Variants in TENM3 observed in about 807,000 individuals in gnomAD.
The protein encoded by TENM3 is teneurin-3.
TENM3 carries 63 observed loss-of-function variants against 255.1 expected under a neutral mutation model. That is an observed-to-expected ratio of 0.25 (90% CI 0.20 to 0.30). TENM3 has a LOEUF of 0.30. Ranked by LOEUF, TENM3 falls within the 10% of genes least tolerant of loss-of-function variation. The pLI, the probability that TENM3 is intolerant of heterozygous loss-of-function variation, is 1.00. For synonymous variants in TENM3, 1,306 were observed against 1,322.3 expected (o/e 0.99, Z 0.27); for missense variants, 2,929 against 3,461.1 (o/e 0.85, Z 3.86).
At chr4:181,584,113 C>A in the TENM3 span, among the ~76,000 whole-genome samples, 1 of 152,170 alleles carries the variant, frequency 6.6e-6, no homozygotes, top group South Asian at 2.1e-4. Flanking sequence ...TATTCATAGT[C>A]ACTCAATGAG....
At chr4:182,736,432 A>G (rs908714863) in intron 16 of TENM3, among the ~76,000 whole-genome samples, 1 of 152,236 alleles carries the variant, frequency 6.6e-6, no homozygotes, top group African/African-American at 2.4e-5. Flanking sequence ...TGACTACTGC[A>G]CTAACAAGTC....
At chr4:182,182,220 C>T (rs1018744487) in intron 1 of TENM3, among the ~76,000 whole-genome samples, 3 of 152,024 alleles carry the variant, frequency 2.0e-5, no homozygotes, top group Admixed American at 6.6e-5. Context: ...AAGGGCAGCC[C>T]GTTTTTTCAA....
intron 4 of TENM3, among the ~76,000 whole-genome samples, chr4:182,604,803 A>G (rs1020418088): frequency 2.2e-4 from 33 of 152,196 alleles, no homozygotes; most frequent in South Asian, 2.1e-4. Flanking sequence ...TTATGTTCCC[A>G]TAGCTTTTTA....
At chr4:182,676,154 C>T (rs758451967) in intron 7 of TENM3, among the ~76,000 whole-genome samples, 1 of 152,210 alleles carries the variant, frequency 6.6e-6, no homozygotes, top group African/African-American at 2.4e-5. Context: ...GCCAGCCATT[C>T]AGAATAGTTG....
chr4:182,044,843 C>G, the TENM3 span, among the ~76,000 whole-genome samples: 5 of 152,172 alleles, frequency 3.3e-5, no homozygotes, highest in African/African-American at 9.7e-5. Context: ...CCACATGATA[C>G]TCAAGACGGA....
chr4:181,659,506 T>C, the TENM3 span, among the ~76,000 whole-genome samples: 1 of 152,190 alleles, frequency 6.6e-6, no homozygotes, highest in Non-Finnish European at 1.5e-5. Flanking sequence ...GAAACAAATA[T>C]TCTTTTGGTG....
the TENM3 span, among the ~76,000 whole-genome samples, chr4:181,534,082 A>G: frequency 1.3e-5 from 2 of 152,056 alleles, no homozygotes; most frequent in African/African-American, 4.8e-5. Flanking sequence ...TAGACACAAA[A>G]CAGACTTATA....
At chr4:181,562,963 C>T in the TENM3 span, among the ~76,000 whole-genome samples, 1 of 152,180 alleles carries the variant, frequency 6.6e-6, no homozygotes, top group Non-Finnish European at 1.5e-5. Context: ...GAGTGAGCCA[C>T]CGTGCCGGGC....
chr4:181,921,451 TC>T, the TENM3 span, among the ~76,000 whole-genome samples: 1 of 152,220 alleles, frequency 6.6e-6, no homozygotes, highest in African/African-American at 2.4e-5. Flanking sequence ...CTCCTTCACG[TC>T]CCTTGTAAGT....
the TENM3 span, among the ~76,000 whole-genome samples, chr4:181,960,930 C>A: frequency 6.6e-6 from 1 of 152,166 alleles, no homozygotes. Flanking sequence ...GCTGATCACA[C>A]AGCTCTGTGA....
At chr4:182,597,159 T>C (rs1747327709) in intron 3 of TENM3, among the ~76,000 whole-genome samples, 1 of 152,148 alleles carries the variant, frequency 6.6e-6, no homozygotes, top group Admixed American at 6.5e-5. Context: ...TCTCAGTACT[T>C]TGGGAGGCCT....
the TENM3 span, among the ~76,000 whole-genome samples, chr4:181,711,102 G>T: frequency 6.6e-6 from 1 of 151,974 alleles, no homozygotes; most frequent in East Asian, 1.9e-4. Flanking sequence ...AATTACCTAG[G>T]GCTAAAATAG....
chr4:181,661,962 G>T, the TENM3 span, among the ~76,000 whole-genome samples: 1 of 150,380 alleles, frequency 6.6e-6, no homozygotes, highest in Non-Finnish European at 1.5e-5. Context: ...TTATCAAATT[G>T]GCCTCATCAA....
upstream of TENM3, among the ~76,000 whole-genome samples, chr4:182,140,264 G>A (rs988281391): frequency 6.6e-6 from 1 of 152,198 alleles, no homozygotes; most frequent in Non-Finnish European, 1.5e-5. Flanking sequence ...TTTGCTCAGT[G>A]GCTACCAGCC....
the TENM3 span, among the ~76,000 whole-genome samples, chr4:182,105,090 A>G: frequency 2.4e-4 from 37 of 152,236 alleles, no homozygotes; most frequent in African/African-American, 8.4e-4. Flanking sequence ...GTGCACGCCA[A>G]TAGTCCCAGC....
At chr4:181,634,206 G>A in the TENM3 span, among the ~76,000 whole-genome samples, 1 of 151,970 alleles carries the variant, frequency 6.6e-6, no homozygotes, top group South Asian at 2.1e-4. Flanking sequence ...CCCTTTTATC[G>A]TTCTTGGCCT....
Position 182,673,148 on chromosome 4 carries a change from AAT to A in TENM3, c.1258_1259del (p.Ile420LeufsTer24). 1 of 1,613,870 alleles carries A rather than the reference AAT, an allele frequency of 6.2e-7. No homozygotes were observed. The highest frequency in any genetic ancestry group is 8.5e-7 in the Non-Finnish European group (1 of 1,179,806). On this transcript the variant is annotated frameshift_variant, in exon 7 of 28. Transcript: ENST00000511685. LOFTEE classifies it high-confidence loss of function. ...FIDQPQFLKF[N>X]ISLQKDALIG... is the part of the protein sequence containing the mutation. ...TGATCAGCCACAGTTTCTTAAATTC[AAT>A]ATCTCTCTTCAGAAGGATGCATTGA...
intron 3 of TENM3, among the ~76,000 whole-genome samples, chr4:182,542,046 CAG>C (rs1262697989): frequency 6.6e-6 from 1 of 152,070 alleles, no homozygotes; most frequent in East Asian, 1.9e-4. Context: ...CTGGGCGACA[CAG>C]ACTCTGTCTC....
At chr4:182,581,078 AT>A (rs1745451700) in intron 3 of TENM3, among the ~76,000 whole-genome samples, 1 of 152,148 alleles carries the variant, frequency 6.6e-6, no homozygotes. Flanking sequence ...TGTACTTTTA[AT>A]TTTTTCCAGT....
Sources: gnomAD v4.1 joint callset for allele counts (sites outside exome capture counted in the v4.1 genomes callset) on GRCh38, gnomAD v4.1.1 for gene constraint, MANE v1.5 for transcripts, NCBI Gene and HGNC (gene_info 2026-07-23, HGNC 2026-07-21) for gene names.